PCDHA8: variants seen among roughly 807,000 people sequenced by gnomAD.
PCDHA8 encodes protocadherin alpha-8.
Under a neutral mutation model 61.8 loss-of-function variants are expected in PCDHA8, and 53 were observed. The ratio of observed to expected loss-of-function variants is 0.86; its 90% confidence interval spans 0.69 to 1.08. The LOEUF is 1.08. Ranked by LOEUF, PCDHA8 falls within the 50% of genes least tolerant of loss-of-function variation. The probability of loss-of-function intolerance (pLI) is 0.00; values close to 1 mark genes in which losing one functional copy is unlikely to be tolerated. For missense variants in PCDHA8, 1,293 were observed against 1,245.0 expected, an observed-to-expected ratio of 1.04 and a Z score of -0.58; for synonymous variants, 618 against 556.6, an observed-to-expected ratio of 1.11 and a Z score of -1.55.
chr5:141,010,405 C>A lies in PCDHA8; in HGVS notation c.*468C>A. The A allele has an allele frequency of 7.9e-7, 1 of 1,260,098 alleles. No homozygotes were observed. The highest frequency in any genetic ancestry group is 1.1e-6 in the Non-Finnish European group (1 of 934,062). The allele number at this position is 1,260,098 out of a possible 1,614,324, so 78.1% of individuals were successfully genotyped here. On this transcript the variant is annotated 3_prime_UTR_variant, in exon 4 of 4. Transcript: ENST00000531613. ...ATTGGCTGAGACGAGCCAGCTTAGACTAATTGGTACAAGGAAGGCAAGAAA... is the reference window on the plus strand; with the variant it reads ...ATTGGCTGAGACGAGCCAGCTTAGAATAATTGGTACAAGGAAGGCAAGAAA...
intron 3 of PCDHA8, among the ~76,000 whole-genome samples, chr5:140,983,479 G>A (rs1297150913): frequency 1.3e-5 from 2 of 152,194 alleles, no homozygotes; most frequent in Non-Finnish European, 2.9e-5. Context: ...GATAATAGTA[G>A]TTACTAATTA....
At chr5:140,967,579 C>G in intron 1 of PCDHA8, 7 of 1,614,154 alleles carry the variant, frequency 4.3e-6, no homozygotes, top group South Asian at 1.1e-5. Context: ...AGGACTCACC[C>G]CCAGGCACAT....
In PCDHA8 at chr5:140,933,676, AT is replaced by A. The variant is rs1400784175; in HGVS notation, c.2395-45265del. 1.4e-4 allele frequency among the ~76,000 whole-genome samples: 21 copies of A among 151,552 alleles called. 1 individual carries two copies. Among genetic ancestry groups the A allele is most frequent in the Admixed American group, 1.3e-3 (19 of 15,194 alleles). On this transcript the variant is annotated intron_variant, in intron 1 of 3. Coordinates refer to ENST00000531613, the MANE Select transcript of PCDHA8 (RefSeq NM_018911.3). Reference sequence around the variant, plus strand: ...CTGTCTCTCTCTCTGTCTCTCTCACATTTTTTTTCCTATTCCTCGGACACAT... The same window carrying A: ...CTGTCTCTCTCTCTGTCTCTCTCACATTTTTTTCCTATTCCTCGGACACAT...
intron 1 of PCDHA8, chr5:140,966,703 G>A: frequency 1.5e-6 from 2 of 1,376,398 alleles, no homozygotes; most frequent in Non-Finnish European, 1.9e-6. Flanking sequence ...CCCGGGCGTG[G>A]GGCACGGCTG....
At chr5:140,869,718 T>C in intron 1 of PCDHA8, 1 of 1,613,408 alleles carries the variant, frequency 6.2e-7, no homozygotes, top group Non-Finnish European at 8.5e-7. Context: ...GAGAGAAAAC[T>C]CCGGAACTTA....
chr5:140,870,732 T>G (rs782731773), intron 1 of PCDHA8: 27 of 1,613,288 alleles, frequency 1.7e-5, no homozygotes, highest in African/African-American at 2.7e-5. Flanking sequence ...GCGTGCCGCC[T>G]CTGAGCAGCA....
chr5:140,846,662 C>T (rs1432643627), intron 1 of PCDHA8, among the ~76,000 whole-genome samples: 1 of 149,210 alleles, frequency 6.7e-6, no homozygotes, highest in Non-Finnish European at 1.5e-5. Flanking sequence ...GCATGAGCCA[C>T]CGCGCCCAGC....
intron 1 of PCDHA8, among the ~76,000 whole-genome samples, chr5:140,939,246 C>G (rs536477969): frequency 6.6e-5 from 10 of 152,230 alleles, no homozygotes; most frequent in African/African-American, 2.2e-4. Context: ...AGCAAGGTAG[C>G]TCTCTGGAAC....
rs185620917 is a variant in PCDHA8 at position 140,854,335 on chromosome 5, G to A, written c.2394+10620G>A. The A allele has an allele frequency of 1.5e-4, 29 of 191,248 alleles. 1 individual carries two copies. Among genetic ancestry groups the A allele is most frequent in the Non-Finnish European group, 2.6e-4 (27 of 105,250 alleles). The allele number at this position is 191,248 out of a possible 1,614,324, so 11.8% of individuals were successfully genotyped here. ...TTGATCAATGGCAAACTTATTTTACGCTCCAGATAGCTAAAACAAACGTTG... is the reference window on the plus strand; with the variant it reads ...TTGATCAATGGCAAACTTATTTTACACTCCAGATAGCTAAAACAAACGTTG... On this transcript the variant is annotated intron_variant, in intron 1 of 3. Coordinates refer to ENST00000531613, the MANE Select transcript of PCDHA8 (RefSeq NM_018911.3).
At chr5:140,848,624 C>T in intron 1 of PCDHA8, 2 of 1,593,432 alleles carry the variant, frequency 1.3e-6, no homozygotes, top group South Asian at 2.2e-5. Context: ...AACACGGCAC[C>T]TTCGTGGGCC....
At chr5:140,965,561 A>T (rs2095912417) in intron 1 of PCDHA8, among the ~76,000 whole-genome samples, 1 of 152,114 alleles carries the variant, frequency 6.6e-6, no homozygotes, top group Admixed American at 6.5e-5. Context: ...TTAGGAGATC[A>T]ACAGTAACGC....
At chr5:140,909,561 C>G (rs1281989854) in intron 1 of PCDHA8, among the ~76,000 whole-genome samples, 1 of 152,110 alleles carries the variant, frequency 6.6e-6, no homozygotes, top group Non-Finnish European at 1.5e-5. Flanking sequence ...TCTCTGCAAC[C>G]CATCCAGAGA....
intron 1 of PCDHA8, among the ~76,000 whole-genome samples, chr5:140,959,972 AAAG>A (rs1460302752): frequency 2.0e-5 from 3 of 152,328 alleles, no homozygotes; most frequent in South Asian, 4.1e-4. Flanking sequence ...GATGTTACTG[AAAG>A]AAGAAGTTGG....
At chr5:140,858,028 C>T (rs1192934836) in intron 1 of PCDHA8, 1 of 1,596,786 alleles carries the variant, frequency 6.3e-7, no homozygotes, top group Non-Finnish European at 8.6e-7. Context: ...CGCTGACGGC[C>T]ACGGCCACTG....
chr5:140,884,285 G>A, intron 1 of PCDHA8: 1 of 1,613,598 alleles, frequency 6.2e-7, no homozygotes. Flanking sequence ...GGTGGAGAGC[G>A]GCCAAGCGCC....
At chr5:140,876,616 A>C (rs2056459535) in intron 1 of PCDHA8, 1 of 1,614,196 alleles carries the variant, frequency 6.2e-7, no homozygotes, top group Non-Finnish European at 8.5e-7. Flanking sequence ...CTCTGGAGCC[A>C]ATGGACAGGT....
In PCDHA8 at chr5:140,856,189, C is replaced by A. The variant is rs1399826536; in HGVS notation, c.2394+12474C>A. On this transcript the variant is annotated intron_variant, in intron 1 of 3. Transcript: ENST00000531613. ...GACACGGCACCTTCGTGGGCCGCAT[C>A]GCGCAGGACCTGGGGCTGGAGCTGG... 11 of 1,598,094 alleles carry A rather than the reference C, an allele frequency of 6.9e-6. 1 individual carries two copies. In the African/African-American group the frequency reaches 1.5e-4, roughly 22 times the overall value.
chr5:140,943,603 G>A (rs1554215788), intron 1 of PCDHA8, among the ~76,000 whole-genome samples: 1 of 152,100 alleles, frequency 6.6e-6, no homozygotes, highest in African/African-American at 2.4e-5. Context: ...TCTAAATATA[G>A]ACTTTGATTC....
intron 1 of PCDHA8, chr5:140,968,800 A>G: frequency 6.2e-7 from 1 of 1,614,238 alleles, no homozygotes; most frequent in Non-Finnish European, 8.5e-7. Context: ...CCATTACAGT[A>G]GCTGTGGTGG....
Sources: allele counts gnomAD v4.1 joint callset (sites outside exome capture counted in the v4.1 genomes callset), GRCh38; gene constraint gnomAD v4.1.1; transcripts MANE v1.5; gene names NCBI Gene and HGNC (gene_info 2026-07-23, HGNC 2026-07-21).